Variants in RSBN1 observed in about 807,000 individuals in gnomAD.
The protein encoded by RSBN1 is round spermatid basic protein 1, also known as lysine-specific demethylase 9.
A neutral mutation model predicts 74.8 loss-of-function variants in RSBN1; 23 were observed. That is an observed-to-expected ratio of 0.31 (90% CI 0.22 to 0.44). The LOEUF (loss-of-function observed/expected upper bound fraction) is 0.44, where lower values mean the gene tolerates loss of function less well. Ranked by LOEUF, RSBN1 falls within the 20% of genes least tolerant of loss-of-function variation. RSBN1 has a pLI of 1.00. For missense variants in RSBN1, 808 were observed against 1,020.9 expected (o/e 0.79, Z 2.84); for synonymous variants, 407 against 379.6 (o/e 1.07, Z -0.84).
In RSBN1 at chr1:113,803,074, G is replaced by A. The variant is rs548445448; in HGVS notation, c.704-5038C>T. On this transcript the variant is annotated intron_variant, in intron 1 of 6. Coordinates refer to ENST00000261441, the MANE Select transcript of RSBN1 (RefSeq NM_018364.5). ...TTTCTTGATAGTTTTGCCTTTTCCA[G>A]AGTGTCATATAATTGGAATCATAAA... 2.0e-5 allele frequency among the ~76,000 whole-genome samples: 3 copies of A among 152,276 alleles called. No homozygotes were observed. The South Asian group carries it at 6.2e-4, about 32-fold the overall frequency.
At position 113,765,783 on chromosome 1, in the gene RSBN1, C is replaced by T. The variant is rs1376635245; in HGVS notation, c.*197G>A. ...AGCAGACCCACTATTACATACTGTA[C>T]TAACGGGATAAGATACAACTCTTAA... On this transcript the variant is annotated 3_prime_UTR_variant, in exon 7 of 7. Coordinates refer to ENST00000261441, the MANE Select transcript of RSBN1 (RefSeq NM_018364.5). 8.7e-6 allele frequency: 5 copies of T among 576,678 alleles called. No individual in the cohort carries two copies. The highest frequency in any genetic ancestry group is 1.5e-5 in the Non-Finnish European group (5 of 324,348). The allele number at this position is 576,678 out of a possible 1,614,324, so 35.7% of individuals were successfully genotyped here.
chr1:113,774,660 G>C (rs1381565470), intron 4 of RSBN1, among the ~76,000 whole-genome samples: 1 of 152,016 alleles, frequency 6.6e-6, no homozygotes, highest in Non-Finnish European at 1.5e-5. Flanking sequence ...CTGGGTGACA[G>C]AGCAAGACTC....
rs1659782223 is a variant in RSBN1 at position 113,766,408 on chromosome 1, C to G, written c.1981G>C (p.Glu661Gln). 6 of 1,613,850 alleles carry G rather than the reference C, an allele frequency of 3.7e-6. No homozygotes were observed. The highest frequency in any genetic ancestry group is 5.1e-6 in the Non-Finnish European group (6 of 1,179,854). Residue 661 changes from glutamate (E) to glutamine (Q), a missense_variant, in exon 7 of 7, where the codon GAA becomes CAA. Glu to Gln is a conservative substitution (Grantham distance 29, BLOSUM62 2). This residue lies in a region of RSBN1 where 38 missense variants were observed against 120.6 expected (regional missense o/e 0.32). Coordinates refer to ENST00000261441, the MANE Select transcript of RSBN1 (RefSeq NM_018364.5). ...TGAATTCTAGCATAACGAATGCCTT[C>G]CCGCCTCATTTGGTTTAGTTTAGCT... ...DEAKLNQMRREGIRYARIQLC... is the reference protein window; with the variant it reads ...DEAKLNQMRRQGIRYARIQLC...
intron 2 of RSBN1, among the ~76,000 whole-genome samples, chr1:113,792,094 A>G (rs1436953577): frequency 1.4e-4 from 21 of 152,212 alleles, no homozygotes; most frequent in Admixed American, 1.4e-3. Context: ...AAATAAAACT[A>G]CCTAAAGTTA....
chr1:113,800,361 A>G (rs1477975743), intron 1 of RSBN1, among the ~76,000 whole-genome samples: 1 of 152,116 alleles, frequency 6.6e-6, no homozygotes, highest in African/African-American at 2.4e-5. Context: ...TGAGAATTAA[A>G]CACTTAGTAA....
At chr1:113,808,693 G>A (rs1660767953) in intron 1 of RSBN1, among the ~76,000 whole-genome samples, 1 of 152,198 alleles carries the variant, frequency 6.6e-6, no homozygotes, top group Non-Finnish European at 1.5e-5. Context: ...ATCACACTGA[G>A]TGAAAAAGGG....
intron 4 of RSBN1, among the ~76,000 whole-genome samples, chr1:113,770,991 G>A (rs1659876320): frequency 1.3e-5 from 2 of 151,994 alleles, no homozygotes. Flanking sequence ...TTATCAGAAA[G>A]GAAAGGAGAC....
chr1:113,775,022 C>T (rs1448908480), intron 4 of RSBN1, among the ~76,000 whole-genome samples: 2 of 151,326 alleles, frequency 1.3e-5, no homozygotes, highest in African/African-American at 4.9e-5. Context: ...TAAATGGTGG[C>T]TACCTTTTTT....
At chr1:113,771,190 AAAT>A (rs1464792783) in intron 4 of RSBN1, among the ~76,000 whole-genome samples, 1 of 152,164 alleles carries the variant, frequency 6.6e-6, no homozygotes, top group Non-Finnish European at 1.5e-5. Flanking sequence ...GACTTCTCAT[AAAT>A]AATATTAGAT....
At chr1:113,805,154 C>T (rs1397170594) in intron 1 of RSBN1, among the ~76,000 whole-genome samples, 2 of 151,360 alleles carry the variant, frequency 1.3e-5, no homozygotes, top group African/African-American at 4.9e-5. Context: ...CTGACTCTGT[C>T]GACCAGGCTG....
rs1011643305 is a variant in RSBN1, at chr1:113,764,977, A to C, written c.*1003T>G. ...AAAATAGCAACACAGAGTAATAGTAAATAAACCCAGGTATTCACCAGTTAA... is the reference window on the plus strand; with the variant it reads ...AAAATAGCAACACAGAGTAATAGTACATAAACCCAGGTATTCACCAGTTAA... On this transcript the variant is annotated 3_prime_UTR_variant, in exon 7 of 7. Coordinates refer to ENST00000261441, the MANE Select transcript of RSBN1 (RefSeq NM_018364.5). The C allele has an allele frequency of 2.0e-5, 3 of 152,266 alleles. No individual in the cohort carries two copies. Among genetic ancestry groups the C allele is most frequent in the Non-Finnish European group, 2.9e-5 (2 of 67,984 alleles). The allele number at this position is 152,266 out of a possible 1,614,324, so 9.4% of individuals were successfully genotyped here. A position where few individuals can be genotyped will look rare whatever the true frequency, so the allele number is the denominator to read the frequency against.
chr1:113,780,422 A>C (rs545466361), intron 2 of RSBN1, among the ~76,000 whole-genome samples: 25 of 152,374 alleles, frequency 1.6e-4, no homozygotes, highest in African/African-American at 6.0e-4. Context: ...TAAACTCAAC[A>C]GCACTGAACT....
At chr1:113,805,182 T>A (rs1660677819) in intron 1 of RSBN1, among the ~76,000 whole-genome samples, 1 of 152,000 alleles carries the variant, frequency 6.6e-6, no homozygotes, top group Admixed American at 6.6e-5. Context: ...AGTGGCGCAA[T>A]CTCAGCTCAG....
intron 4 of RSBN1, among the ~76,000 whole-genome samples, chr1:113,770,678 A>C (rs1037842265): frequency 5.3e-5 from 8 of 152,200 alleles, no homozygotes; most frequent in African/African-American, 1.9e-4. Context: ...CCAAAATATA[A>C]ATAGAACTCA....
At position 113,792,316 on chromosome 1, in the gene RSBN1, G is replaced by A. The variant is rs1443308451; in HGVS notation, c.1377+5047C>T. Among the ~76,000 whole-genome samples, 7 of 152,114 alleles carry A rather than the reference G, an allele frequency of 4.6e-5. No individual in the cohort carries two copies. In the South Asian group the frequency reaches 1.4e-3, roughly 31 times the overall value. On this transcript the variant is annotated intron_variant, in intron 2 of 6. Transcript: ENST00000261441. ...CTTTTAACTTCACTGTATTTTTAGT[G>A]TTTGTTATTATTTGCGCTTGCAATT...
chr1:113,798,371 G>T (rs1025329009), intron 1 of RSBN1, among the ~76,000 whole-genome samples: 1 of 152,092 alleles, frequency 6.6e-6, no homozygotes, highest in Non-Finnish European at 1.5e-5. Flanking sequence ...AGCTAAATAT[G>T]ATGATTCTGA....
At chr1:113,778,291 T>C (rs1461127391) in intron 2 of RSBN1, among the ~76,000 whole-genome samples, 1 of 143,850 alleles carries the variant, frequency 7.0e-6, no homozygotes, top group Non-Finnish European at 1.5e-5. Context: ...GGCCAATCTT[T>C]TTTTTTTTTT....
intron 2 of RSBN1, among the ~76,000 whole-genome samples, chr1:113,781,263 T>C (rs1258428171): frequency 6.6e-6 from 1 of 152,202 alleles, no homozygotes; most frequent in East Asian, 1.9e-4. Context: ...GTAATACTAG[T>C]CTGTAGTACC....
chr1:113,804,666 G>A (rs866647033), intron 1 of RSBN1, among the ~76,000 whole-genome samples: 1 of 152,150 alleles, frequency 6.6e-6, no homozygotes, highest in African/African-American at 2.4e-5. Context: ...GCCCTTAAAG[G>A]TGTTTTTGCC....
Sources: gnomAD v4.1 joint callset for allele counts (sites outside exome capture counted in the v4.1 genomes callset) on GRCh38, gnomAD v4.1.1 for gene constraint, gnomAD v4.1.1 regional missense constraint, MANE v1.5 for transcripts, NCBI Gene and HGNC (gene_info 2026-07-23, HGNC 2026-07-21) for gene names.